Variants in LDAH observed in about 807,000 individuals in gnomAD.
LDAH encodes lipid droplet associated hydrolase.
Under a neutral mutation model 29.6 loss-of-function variants are expected in LDAH, and 26 were observed. That is an observed-to-expected ratio of 0.88 (90% CI 0.64 to 1.22). LDAH has a LOEUF of 1.22. Ranked by LOEUF, LDAH falls within the 50% of genes most tolerant of loss-of-function variation. LDAH has a pLI of 0.00. For missense variants in LDAH, 344 were observed against 387.3 expected, an observed-to-expected ratio of 0.89 and a Z score of 0.94; for synonymous variants, 117 against 133.0, an observed-to-expected ratio of 0.88 and a Z score of 0.83.
rs1662609773 is a variant in LDAH at position 20,687,044 on chromosome 2, A to G, written c.837T>C (p.Tyr279=). 6.2e-7 allele frequency: 1 copy of G among 1,614,102 alleles called. No homozygotes were observed. The highest frequency in any genetic ancestry group is 8.5e-7 in the Non-Finnish European group (1 of 1,179,972). The part of the protein sequence containing the change: ...TIDPWCPKEY[Y]EDIKKDFPEG... ...CTGGAAAATCCTTCTTAATGTCTTC[A>G]TAGTACTCTTTTGGACACCAAGGAT... The change falls in exon 7 of 7, where the codon TAT becomes TAC. Residue 279 remains tyrosine, a synonymous_variant. Coordinates refer to ENST00000237822, the MANE Select transcript of LDAH (RefSeq NM_021925.4).
intron 1 of LDAH, among the ~76,000 whole-genome samples, chr2:20,820,658 A>T (rs1200785999): frequency 1.4e-5 from 2 of 147,998 alleles, no homozygotes; most frequent in Admixed American, 1.3e-4. Flanking sequence ...AAACCATAAA[A>T]ACCCTAGAAG....
rs1670849072 is a variant in LDAH at position 20,790,187 on chromosome 2, T to C, written c.298+68A>G. The C allele has an allele frequency of 2.6e-6, 4 of 1,548,348 alleles. No homozygotes were observed. The South Asian group carries it at 4.7e-5, about 18-fold the overall frequency. On this transcript the variant is annotated intron_variant, in intron 3 of 6. Coordinates refer to ENST00000237822, the MANE Select transcript of LDAH (RefSeq NM_021925.4). ...TTTCCACTGGTGTAACTCTTAACCT[T>C]AGCAAGCTTGCTAGAAACATGACCC...
intron 1 of LDAH, among the ~76,000 whole-genome samples, chr2:20,812,655 A>G (rs564461680): frequency 4.3e-4 from 65 of 152,338 alleles, no homozygotes; most frequent in African/African-American, 1.3e-3. Context: ...AGGAAAAAAG[A>G]TATCAGCAAA....
rs191377306 is a variant in LDAH, at chr2:20,774,972, G to A, written c.306C>T (p.Asn102=). ...KKILTTSEDS[N]AQEIKDIYGL... is the part of the protein sequence containing the mutation. ...CATAAATGTCCTTAATTTCTTGAGC[G>A]TTTGAATCTAAAAGCAAAAATATGA... Residue 102 remains asparagine (N), a synonymous_variant, in exon 4 of 7, where the codon AAC becomes AAT. Transcript: ENST00000237822. The A allele has an allele frequency of 4.2e-5, 66 of 1,583,670 alleles. 1 individual carries two copies. In the East Asian group the frequency reaches 9.1e-4, roughly 22 times the overall value.
chr2:20,757,923 C>T (rs1425333610), intron 4 of LDAH, among the ~76,000 whole-genome samples: 2 of 152,110 alleles, frequency 1.3e-5, no homozygotes, highest in Non-Finnish European at 2.9e-5. Flanking sequence ...ACTACAATTA[C>T]ATCATTGGCT....
At chr2:20,718,231 TA>T (rs1483161764) in intron 5 of LDAH, among the ~76,000 whole-genome samples, 1 of 152,096 alleles carries the variant, frequency 6.6e-6, no homozygotes, top group East Asian at 1.9e-4. Flanking sequence ...CTGAATGGAT[TA>T]AAAAACAAGA....
At chr2:20,780,230 G>A (rs1670098395) in intron 3 of LDAH, among the ~76,000 whole-genome samples, 1 of 152,070 alleles carries the variant, frequency 6.6e-6, no homozygotes, top group South Asian at 2.1e-4. Context: ...TAAACCCCAA[G>A]CATATGTTTT....
intron 6 of LDAH, among the ~76,000 whole-genome samples, chr2:20,696,821 G>A (rs907364485): frequency 1.6e-4 from 25 of 152,042 alleles, no homozygotes; most frequent in African/African-American, 5.8e-4. Flanking sequence ...TGGCGAAAAC[G>A]CACAGTTGAT....
chr2:20,747,622 T>G (rs926563565), intron 4 of LDAH, among the ~76,000 whole-genome samples: 15 of 152,172 alleles, frequency 9.9e-5, no homozygotes, highest in African/African-American at 3.6e-4. Flanking sequence ...GCTTATTTAC[T>G]AAGTATGCAG....
rs150440953 is a variant in LDAH at position 20,697,638 on chromosome 2, T to C, written c.786+3932A>G. Among the ~76,000 whole-genome samples the C allele has an allele frequency of 5.6e-3, 857 of 152,326 alleles. 3 individuals are homozygous for C. The highest frequency in any genetic ancestry group is 9.8e-3 in the Non-Finnish European group (666 of 68,030). On this transcript the variant is annotated intron_variant, in intron 6 of 6. Coordinates refer to ENST00000237822, the MANE Select transcript of LDAH (RefSeq NM_021925.4). The stretch of plus-strand genomic sequence containing the variant: ...CCAAAACAGTCTCTTCAGTGTGGCA[T>C]ATCATGACTTTTTGTTCTCAGGCCA...
intron 4 of LDAH, among the ~76,000 whole-genome samples, chr2:20,743,229 G>T (rs1291211709): frequency 1.3e-5 from 2 of 149,238 alleles, no homozygotes; most frequent in Non-Finnish European, 3.0e-5. Flanking sequence ...TTCTTAGCAT[G>T]TCAGTTATAC....
intron 6 of LDAH, among the ~76,000 whole-genome samples, chr2:20,695,508 A>T (rs1663382803): frequency 1.4e-5 from 2 of 148,128 alleles, no homozygotes; most frequent in Admixed American, 1.4e-4. Context: ...GCTGGAGTGC[A>T]GTAGCATGAT....
chr2:20,771,803 TGGACAA>T (rs1669452965), intron 4 of LDAH, among the ~76,000 whole-genome samples: 3 of 133,478 alleles, frequency 2.2e-5, no homozygotes, highest in African/African-American at 1.1e-4. Context: ...TTACACCCTT[TGGACAA>T]TTTATTGCAC....
chr2:20,761,538 C>G (rs772944149), intron 4 of LDAH, among the ~76,000 whole-genome samples: 9 of 152,116 alleles, frequency 5.9e-5, no homozygotes, highest in Non-Finnish European at 1.3e-4. Flanking sequence ...CTTATTTGTT[C>G]TTTTGTCTAT....
At chr2:20,788,723 C>T (rs918716304) in intron 3 of LDAH, among the ~76,000 whole-genome samples, 1 of 152,108 alleles carries the variant, frequency 6.6e-6, no homozygotes, top group Non-Finnish European at 1.5e-5. Flanking sequence ...TAAAGGAAAC[C>T]CCCTAGGACA....
At chr2:20,785,024 T>C (rs1670450848) in intron 3 of LDAH, among the ~76,000 whole-genome samples, 1 of 152,258 alleles carries the variant, frequency 6.6e-6, no homozygotes, top group African/African-American at 2.4e-5. Flanking sequence ...GACATTCATT[T>C]CATTTATCCA....
chr2:20,710,606 G>GTA (rs1467339981), intron 5 of LDAH, among the ~76,000 whole-genome samples: 186 of 131,880 alleles, frequency 1.4e-3, no homozygotes, highest in African/African-American at 4.6e-3. Flanking sequence ...GTGTGTGTGT[G>GTA]TATATATATA....
chr2:20,741,313 GGTTT>G (rs1667160288), intron 4 of LDAH, among the ~76,000 whole-genome samples: 1 of 152,056 alleles, frequency 6.6e-6, no homozygotes. Flanking sequence ...CTGTACCTTT[GGTTT>G]GTATCTAAAA....
At position 20,768,667 on chromosome 2, in the gene LDAH, C is replaced by T. The variant is rs930259180; in HGVS notation, c.468+6143G>A. Among the ~76,000 whole-genome samples, 6 of 152,286 alleles carry T rather than the reference C, an allele frequency of 3.9e-5. No homozygotes were observed. In the East Asian group the frequency reaches 7.7e-4, roughly 20 times the overall value. On this transcript the variant is annotated intron_variant, in intron 4 of 6. Transcript: ENST00000237822. ...CCGAGCAAAACTCAGGCAAAGATTC[C>T]GCCAACCACAGGTTTCTGGCCAGAA...
Sources: gnomAD v4.1 joint callset for allele counts (sites outside exome capture counted in the v4.1 genomes callset) on GRCh38, gnomAD v4.1.1 for gene constraint, MANE v1.5 for transcripts, NCBI Gene and HGNC (gene_info 2026-07-23, HGNC 2026-07-21) for gene names.